LGSN: variants seen among roughly 807,000 people sequenced by gnomAD.
LGSN encodes lengsin.
In LGSN, 21 loss-of-function variants were observed where a neutral mutation model predicts 19.5. The ratio of observed to expected loss-of-function variants is 1.07; its 90% CI spans 0.76 to 1.55. The LOEUF is 1.55. LGSN is among the 40% of genes most tolerant of loss of function. The pLI is 0.00. For missense variants in LGSN, 673 were observed against 608.5 expected (o/e 1.11, Z -1.12); for synonymous variants, 257 against 215.6 (o/e 1.19, Z -1.68).
the LGSN span, among the ~76,000 whole-genome samples, chr6:63,521,168 A>G: frequency 6.6e-6 from 1 of 152,288 alleles, no homozygotes. Flanking sequence ...ACCATGGTAC[A>G]TGTATACCTA....
chr6:63,404,768 C>G, the LGSN span, among the ~76,000 whole-genome samples: 3 of 151,870 alleles, frequency 2.0e-5, no homozygotes, highest in Non-Finnish European at 2.9e-5. Context: ...CAGTCCATTG[C>G]AATGATTAAT....
the LGSN span, among the ~76,000 whole-genome samples, chr6:63,459,078 C>T: frequency 4.6e-5 from 7 of 152,142 alleles, no homozygotes; most frequent in Non-Finnish European, 7.3e-5. Context: ...TAAGATTTTA[C>T]CTGAAAGACC....
the LGSN span, among the ~76,000 whole-genome samples, chr6:63,526,147 A>G: frequency 6.6e-6 from 1 of 152,098 alleles, no homozygotes; most frequent in Non-Finnish European, 1.5e-5. Context: ...CAACATGGTG[A>G]AATCCCGTCT....
the LGSN span, among the ~76,000 whole-genome samples, chr6:63,557,284 G>T: frequency 2.0e-5 from 3 of 152,216 alleles, no homozygotes; most frequent in Non-Finnish European, 4.4e-5. Context: ...TTAATATTAG[G>T]TGTGGGCATG....
the LGSN span, among the ~76,000 whole-genome samples, chr6:63,515,751 A>G: frequency 6.6e-6 from 1 of 152,222 alleles, no homozygotes; most frequent in East Asian, 1.9e-4. Context: ...AAGAATCTAA[A>G]CAAAAACGAA....
chr6:63,493,461 G>T, the LGSN span, among the ~76,000 whole-genome samples: 1 of 152,174 alleles, frequency 6.6e-6, no homozygotes, highest in Non-Finnish European at 1.5e-5. Flanking sequence ...ACAGTTTGAG[G>T]TTGGCATCTC....
At chr6:63,570,074 G>T in the LGSN span, among the ~76,000 whole-genome samples, 1 of 152,200 alleles carries the variant, frequency 6.6e-6, no homozygotes, top group African/African-American at 2.4e-5. Flanking sequence ...CTTATATCTT[G>T]TTTAAAATGT....
chr6:63,543,279 C>T, the LGSN span, among the ~76,000 whole-genome samples: 1 of 152,148 alleles, frequency 6.6e-6, no homozygotes, highest in South Asian at 2.1e-4. Context: ...ATTCAGACGT[C>T]AACTAAAATG....
the LGSN span, among the ~76,000 whole-genome samples, chr6:63,566,834 C>G: frequency 1.3e-5 from 2 of 152,196 alleles, no homozygotes; most frequent in African/African-American, 4.8e-5. Context: ...TTCAAAGTTG[C>G]AATCAGTCCT....
the LGSN span, among the ~76,000 whole-genome samples, chr6:63,533,798 C>T: frequency 6.6e-6 from 1 of 151,544 alleles, no homozygotes; most frequent in Non-Finnish European, 1.5e-5. Flanking sequence ...TAAAGTTACA[C>T]AAACAAAATA....
chr6:63,470,890 C>T, the LGSN span, among the ~76,000 whole-genome samples: 3 of 150,004 alleles, frequency 2.0e-5, no homozygotes, highest in Admixed American at 1.3e-4. Flanking sequence ...AAGTTATTGA[C>T]TCTGAATACC....
the LGSN span, among the ~76,000 whole-genome samples, chr6:63,362,696 G>A: frequency 8.5e-5 from 13 of 152,328 alleles, no homozygotes; most frequent in South Asian, 2.1e-4. Flanking sequence ...CAAAGCAGCC[G>A]GGAAGGTCGA....
chr6:63,309,401 C>T (rs1768536894), intron 1 of LGSN, among the ~76,000 whole-genome samples: 1 of 152,142 alleles, frequency 6.6e-6, no homozygotes, highest in African/African-American at 2.4e-5. Context: ...CATTGCACTC[C>T]AGCCTGGGCA....
chr6:63,448,812 A>G, the LGSN span, among the ~76,000 whole-genome samples: 1 of 151,998 alleles, frequency 6.6e-6, no homozygotes, highest in African/African-American at 2.4e-5. Context: ...ACATTTGCAG[A>G]TTCAACCAAT....
At chr6:63,501,402 A>G in the LGSN span, among the ~76,000 whole-genome samples, 2 of 151,598 alleles carry the variant, frequency 1.3e-5, no homozygotes, top group African/African-American at 4.8e-5. Context: ...CATTGTCACT[A>G]CCCCTTGCCT....
chr6:63,292,151 T>C (rs1767797607), intron 2 of LGSN, among the ~76,000 whole-genome samples: 1 of 152,176 alleles, frequency 6.6e-6, no homozygotes, highest in African/African-American at 2.4e-5. Context: ...AATGAACTTG[T>C]AAATGTACTG....
chr6:63,513,774 G>A, the LGSN span, among the ~76,000 whole-genome samples: 1 of 151,900 alleles, frequency 6.6e-6, no homozygotes, highest in African/African-American at 2.4e-5. Flanking sequence ...AGCTGGGTGT[G>A]GAGGCGGGTG....
At chr6:63,454,939 C>T in the LGSN span, among the ~76,000 whole-genome samples, 1 of 151,554 alleles carries the variant, frequency 6.6e-6, no homozygotes, top group African/African-American at 2.4e-5. Context: ...ATTACAGGCA[C>T]CTGCCACCAC....
chr6:63,377,251 A>G, the LGSN span, among the ~76,000 whole-genome samples: 1 of 152,212 alleles, frequency 6.6e-6, no homozygotes, highest in Non-Finnish European at 1.5e-5. Context: ...TCCTTTATGA[A>G]TTATGGCAAG....
Sources: gnomAD v4.1 joint callset for allele counts (sites outside exome capture counted in the v4.1 genomes callset) on GRCh38, gnomAD v4.1.1 for gene constraint, MANE v1.5 for transcripts, NCBI Gene and HGNC (gene_info 2026-07-23, HGNC 2026-07-21) for gene names.